NBAS: variants seen among roughly 807,000 people sequenced by gnomAD.
The protein encoded by NBAS is NBAS subunit of NRZ tethering complex, also known as NAG/BC035112 fusion.
In NBAS, 219 loss-of-function variants were observed where a neutral mutation model predicts 302.5. The ratio of observed to expected loss-of-function variants is 0.72; its 90% CI spans 0.65 to 0.81. The LOEUF is 0.81. Ranked by LOEUF, NBAS falls within the 30% of genes least tolerant of loss-of-function variation. The pLI is 0.00. For missense variants in NBAS, 2,932 were observed against 2,841.6 expected, an observed-to-expected ratio of 1.03 and a Z score of -0.72; for synonymous variants, 1,118 against 1,021.6, an observed-to-expected ratio of 1.09 and a Z score of -1.80.
intron 19 of NBAS, among the ~76,000 whole-genome samples, chr2:15,463,416 C>T (rs756298330): frequency 4.6e-5 from 7 of 152,068 alleles, no homozygotes; most frequent in Non-Finnish European, 8.8e-5. Flanking sequence ...TGTCTAACCC[C>T]GACTCTGTGA....
chr2:15,362,778 A>AGG (rs1674000067), intron 32 of NBAS, among the ~76,000 whole-genome samples: 2 of 152,188 alleles, frequency 1.3e-5, no homozygotes, highest in African/African-American at 4.8e-5. Flanking sequence ...ACAAGCTCTA[A>AGG]TCTGGGTGGT....
the NBAS span, among the ~76,000 whole-genome samples, chr2:14,837,157 C>T: frequency 2.0e-5 from 3 of 151,794 alleles, no homozygotes; most frequent in Non-Finnish European, 3.0e-5. Context: ...ATTTGTTCCT[C>T]TCACCTTCCT....
At chr2:15,016,592 T>C in the NBAS span, among the ~76,000 whole-genome samples, 2 of 150,374 alleles carry the variant, frequency 1.3e-5, no homozygotes, top group South Asian at 4.2e-4. Flanking sequence ...AAAATACCAA[T>C]GACATTAGTC....
chr2:14,995,930 A>G, the NBAS span, among the ~76,000 whole-genome samples: 1 of 151,598 alleles, frequency 6.6e-6, no homozygotes, highest in South Asian at 2.1e-4. Flanking sequence ...GTTATAATCC[A>G]TATCATGCTC....
chr2:14,832,343 TC>T, the NBAS span, among the ~76,000 whole-genome samples: 1 of 152,206 alleles, frequency 6.6e-6, no homozygotes, highest in African/African-American at 2.4e-5. Flanking sequence ...TTTGTTCTTT[TC>T]TCACAAAGAC....
chr2:14,977,058 CCTT>C, the NBAS span, among the ~76,000 whole-genome samples: 1 of 152,170 alleles, frequency 6.6e-6, no homozygotes, highest in East Asian at 1.9e-4. Flanking sequence ...GTCCAGCTGA[CCTT>C]CTAGTAAATA....
chr2:14,896,352 C>A, the NBAS span, among the ~76,000 whole-genome samples: 1 of 152,038 alleles, frequency 6.6e-6, no homozygotes, highest in Non-Finnish European at 1.5e-5. Context: ...TGTATTAAGC[C>A]TTTTTCAAAT....
In NBAS at chr2:15,208,898, GC is replaced by G. The variant is rs1666273699; in HGVS notation, c.6432+9874del. ...CAATGCATCTTAAAGAGCTAGAAAA[GC>G]AAGAGCAAATCAAATATAAAATTAG... On this transcript the variant is annotated intron_variant, in intron 48 of 51. Coordinates refer to ENST00000281513, the MANE Select transcript of NBAS (RefSeq NM_015909.4). 2.0e-5 allele frequency among the ~76,000 whole-genome samples: 3 copies of G among 152,126 alleles called. No individual in the cohort carries two copies. In the South Asian group the frequency reaches 6.2e-4, roughly 32 times the overall value.
chr2:15,441,877 C>G (rs569526557), intron 21 of NBAS, among the ~76,000 whole-genome samples: 3 of 151,358 alleles, frequency 2.0e-5, no homozygotes, highest in African/African-American at 7.3e-5. Flanking sequence ...ATAAAACAGA[C>G]TTTAAACCAA....
chr2:15,372,608 A>G (rs1186752098), intron 31 of NBAS, among the ~76,000 whole-genome samples: 1 of 152,224 alleles, frequency 6.6e-6, no homozygotes, highest in Non-Finnish European at 1.5e-5. Context: ...ATACAAAGGC[A>G]ATATTCCATC....
intron 42 of NBAS, among the ~76,000 whole-genome samples, chr2:15,280,965 G>A (rs1669799301): frequency 6.6e-6 from 1 of 152,138 alleles, no homozygotes; most frequent in Admixed American, 6.5e-5. Context: ...AGGAAAACGT[G>A]GTCAAGATAA....
chr2:15,092,622 C>T, the NBAS span, among the ~76,000 whole-genome samples: 1 of 152,178 alleles, frequency 6.6e-6, no homozygotes, highest in Admixed American at 6.5e-5. Context: ...CCTAGTTCTG[C>T]AGTAACAGGC....
chr2:15,301,057 G>A (rs1480739484), intron 40 of NBAS, among the ~76,000 whole-genome samples: 1 of 152,146 alleles, frequency 6.6e-6, no homozygotes, highest in African/African-American at 2.4e-5. Context: ...TCATATGCAG[G>A]ATGTTACCTG....
At chr2:14,873,600 AAAT>A in the NBAS span, among the ~76,000 whole-genome samples, 1 of 152,222 alleles carries the variant, frequency 6.6e-6, no homozygotes, top group East Asian at 1.9e-4. Context: ...ATAAGGATTG[AAAT>A]AATATAAAAT....
chr2:15,280,963 G>A (rs1244582757), intron 42 of NBAS, among the ~76,000 whole-genome samples: 2 of 152,190 alleles, frequency 1.3e-5, no homozygotes, highest in African/African-American at 2.4e-5. Context: ...CAAGGAAAAC[G>A]TGGTCAAGAT....
intron 33 of NBAS, 141 bp downstream of exon 33, chr2:15,356,162 T>C: frequency 1.4e-6 from 1 of 716,642 alleles, no homozygotes; most frequent in African/African-American, 1.7e-5. Flanking sequence ...GCCTATATAC[T>C]TACCAGTGCT....
chr2:15,167,630 G>A (rs1357720739), intron 51 of NBAS, among the ~76,000 whole-genome samples: 5 of 152,122 alleles, frequency 3.3e-5, no homozygotes, highest in Admixed American at 6.5e-5. Flanking sequence ...ATTCAACCCC[G>A]TGACTGGCAC....
the NBAS span, among the ~76,000 whole-genome samples, chr2:14,835,654 A>G: frequency 6.6e-6 from 1 of 151,988 alleles, no homozygotes; most frequent in African/African-American, 2.4e-5. Flanking sequence ...TTTCCAATAC[A>G]TACCCAGGTT....
At chr2:15,515,240 G>GAAA (rs34918509) in intron 9 of NBAS, among the ~76,000 whole-genome samples, 3 of 149,450 alleles carry the variant, frequency 2.0e-5, no homozygotes, top group Admixed American at 2.0e-4. Context: ...CTCTAAAACA[G>GAAA]AAAAAAAAAA....
Sources: gnomAD v4.1 joint callset for allele counts (sites outside exome capture counted in the v4.1 genomes callset) on GRCh38, gnomAD v4.1.1 for gene constraint, MANE v1.5 for transcripts, NCBI Gene and HGNC (gene_info 2026-07-23, HGNC 2026-07-21) for gene names.